Variants in TET2 observed in about 807,000 individuals in gnomAD.
TET2 encodes methylcytosine dioxygenase TET2.
In TET2, 299 loss-of-function variants were observed where a neutral mutation model predicts 142.9. That is an observed-to-expected ratio of 2.09 (90% CI 1.90 to 2.30). The LOEUF is 2.30. Among genes scored for constraint, TET2 ranks in the 30% most tolerant of loss-of-function variants. The probability of loss-of-function intolerance (pLI) is 0.00; values close to 1 mark genes in which losing one functional copy is unlikely to be tolerated. For synonymous variants in TET2, 819 were observed against 849.0 expected, an observed-to-expected ratio of 0.96 and a Z score of 0.61; for missense variants, 2,418 against 2,378.0, an observed-to-expected ratio of 1.02 and a Z score of -0.35.
intron 1 of TET2, among the ~76,000 whole-genome samples, chr4:105,158,270 AT>A (rs1723664404): frequency 6.6e-6 from 1 of 152,134 alleles, no homozygotes; most frequent in Non-Finnish European, 1.5e-5. Flanking sequence ...CATTGTTATA[AT>A]TAGTCATGCC....
chr4:105,219,327 T>C (rs1727678703), intron 2 of TET2, among the ~76,000 whole-genome samples: 1 of 152,132 alleles, frequency 6.6e-6, no homozygotes, highest in South Asian at 2.1e-4. Flanking sequence ...AACCAGTTGA[T>C]TAAGACTAGA....
intron 1 of TET2, among the ~76,000 whole-genome samples, chr4:105,152,910 A>C (rs80079531): frequency 6.6e-6 from 1 of 152,002 alleles, no homozygotes; most frequent in African/African-American, 2.4e-5. Context: ...TCTATTTTCA[A>C]TGTATAAGAG....
At position 105,275,651 on chromosome 4, in the gene TET2, A is replaced by G; in HGVS notation, c.5141A>G (p.Asn1714Ser). The change falls in exon 11 of 11, where the codon AAT (asparagine) becomes AGT (serine). Residue 1714 changes from asparagine (N) to serine (S), a missense_variant. Physicochemically the swap from Asn to Ser is conservative, Grantham distance 46. Coordinates refer to ENST00000380013, the MANE Select transcript of TET2 (RefSeq NM_001127208.3). The stretch of plus-strand genomic sequence containing the variant: ...TTCAGCAGTTGTACCATTAGACCAA[A>G]TGTACATCATGTAGGGAAATTGCCT... Reference protein sequence around the residue: ...DGFSSCTIRPNVHHVGKLPPY... With the variant: ...DGFSSCTIRPSVHHVGKLPPY... 6.4e-7 allele frequency: 1 copy of G among 1,551,928 alleles called. No individual in the cohort carries two copies. Among genetic ancestry groups the G allele is most frequent in the Non-Finnish European group, 8.7e-7 (1 of 1,147,032 alleles).
intron 1 of TET2, among the ~76,000 whole-genome samples, chr4:105,178,752 A>T (rs956099416): frequency 6.6e-6 from 1 of 152,190 alleles, no homozygotes; most frequent in Non-Finnish European, 1.5e-5. Flanking sequence ...TTTAATGCAC[A>T]TGTACCCTAA....
rs773492425 is a variant in TET2, at chr4:105,275,545, T to C, written c.5035T>C (p.Tyr1679His). ...CAGTCTACCACCCATCCATACACTT[T>C]ACCAGCCAAGGTTTGGAAATAGCCA... ...KLSLPPIHTLYQPRFGNSQSF... is the reference protein window; with the variant it reads ...KLSLPPIHTLHQPRFGNSQSF... Residue 1679 changes from tyrosine to histidine, a missense_variant, in exon 11 of 11, where the codon TAC becomes CAC. Physicochemically the swap from Tyr to His is moderately conservative, Grantham distance 83 (BLOSUM62 2). Transcript: ENST00000380013. 2.6e-6 allele frequency: 4 copies of C among 1,551,736 alleles called. No individual in the cohort carries two copies. Among genetic ancestry groups the C allele is most frequent in the African/African-American group, 2.7e-5 (2 of 73,174 alleles).
intron 1 of TET2, among the ~76,000 whole-genome samples, chr4:105,160,648 T>C (rs1258800661): frequency 6.6e-6 from 1 of 152,226 alleles, no homozygotes; most frequent in African/African-American, 2.4e-5. Flanking sequence ...TTTCTAAAGA[T>C]AGGAAAAATC....
At position 105,237,309 on chromosome 4, in the gene TET2, C is replaced by A. The variant is rs1346779821; in HGVS notation, c.3367C>A (p.Pro1123Thr). The A allele has an allele frequency of 2.5e-6, 4 of 1,614,114 alleles. No homozygotes were observed. Among genetic ancestry groups the A allele is most frequent in the Non-Finnish European group, 3.4e-6 (4 of 1,179,980 alleles). Residue 1123 changes from proline (P) to threonine (T), a missense_variant, in exon 3 of 11, where the codon CCT becomes ACT. Physicochemically the swap from Pro to Thr is conservative, Grantham distance 38. Transcript: ENST00000380013. ...DTPIKNLLDT[P>T]VKTQYDFPSC... ...TCCTATAAAAAATTTATTGGATACACCTGTCAAGACTCAATATGATTTCCC... is the reference window on the plus strand; with the variant it reads ...TCCTATAAAAAATTTATTGGATACAACTGTCAAGACTCAATATGATTTCCC...
In TET2 at chr4:105,278,909, C is replaced by T. The variant is rs949837180; in HGVS notation, c.*2390C>T. The stretch of plus-strand genomic sequence containing the variant: ...GGACTTCCCTTAAACAGGCAAACAC[C>T]TACAGGTATGGTGTGCAACAGATTG... On this transcript the variant is annotated 3_prime_UTR_variant, in exon 11 of 11. Coordinates refer to ENST00000380013, the MANE Select transcript of TET2 (RefSeq NM_001127208.3). 1 of 232,818 alleles carries T rather than the reference C, an allele frequency of 4.3e-6. No individual in the cohort carries two copies. Among genetic ancestry groups the T allele is most frequent in the African/African-American group, 2.2e-5 (1 of 45,312 alleles). 14.4% of individuals were successfully genotyped at this position (232,818 alleles called of 1,614,324 possible). A position where few individuals can be genotyped will look rare whatever the true frequency, so the allele number is the denominator to read the frequency against.
At position 105,275,538 on chromosome 4, in the gene TET2, T is replaced by TAC; in HGVS notation, c.5031_5032dup (p.Leu1678HisfsTer18). The TAC allele has an allele frequency of 6.4e-7, 1 of 1,551,696 alleles. No homozygotes were observed. The highest frequency in any genetic ancestry group is 8.7e-7 in the Non-Finnish European group (1 of 1,146,960). On this transcript the variant is annotated frameshift_variant, in exon 11 of 11. Coordinates refer to ENST00000380013, the MANE Select transcript of TET2 (RefSeq NM_001127208.3). LOFTEE classifies it low-confidence loss of function (END_TRUNC). ...CTAAGCTCAGTCTACCACCCATCCA[T>TAC]ACACTTTACCAGCCAAGGTTTGGAA...
At chr4:105,182,230 A>G (rs1404309664) in intron 1 of TET2, among the ~76,000 whole-genome samples, 1 of 152,216 alleles carries the variant, frequency 6.6e-6, no homozygotes, top group Non-Finnish European at 1.5e-5. Flanking sequence ...GCAGGTGCAC[A>G]TGAGTGTGGC....
In TET2 at chr4:105,248,877, A is replaced by G. The variant is rs866347723; in HGVS notation, c.3803+5099A>G. Reference sequence around the variant, plus strand: ...ACATTCAGTTTCTCTGGATTTACCTATTCTGGGCATTTTGTATTAGTGAAA... The same window carrying G: ...ACATTCAGTTTCTCTGGATTTACCTGTTCTGGGCATTTTGTATTAGTGAAA... On this transcript the variant is annotated intron_variant, in intron 6 of 10. Coordinates refer to ENST00000380013, the MANE Select transcript of TET2 (RefSeq NM_001127208.3). 2.0e-5 allele frequency among the ~76,000 whole-genome samples: 3 copies of G among 150,836 alleles called. No individual in the cohort carries two copies. In the South Asian group the frequency reaches 6.3e-4, roughly 31 times the overall value.
chr4:105,234,060 C>A lies in TET2; in HGVS notation c.118C>A (p.Leu40Met). ...TACAAAGCTCCAGAATGGAAGCCCA[C>A]TGCCTGAGAGAGCTCATCCAGAAGT... Reference protein sequence around the residue: ...LATKLQNGSPLPERAHPEVNG... With the variant: ...LATKLQNGSPMPERAHPEVNG... The change falls in exon 3 of 11, where the codon CTG becomes ATG. Residue 40 changes from leucine to methionine, a missense_variant. Coordinates refer to ENST00000380013, the MANE Select transcript of TET2 (RefSeq NM_001127208.3). 6.2e-7 allele frequency: 1 copy of A among 1,614,084 alleles called. No homozygotes were observed. Among genetic ancestry groups the A allele is most frequent in the Non-Finnish European group, 8.5e-7 (1 of 1,180,008 alleles).
chr4:105,156,634 T>G, intron 1 of TET2, among the ~76,000 whole-genome samples: 1 of 152,102 alleles, frequency 6.6e-6, no homozygotes, highest in East Asian at 1.9e-4. Context: ...TCTCCTGAAA[T>G]AGATGATGCA....
At chr4:105,210,095 A>T (rs141592047) in intron 2 of TET2, among the ~76,000 whole-genome samples, 1 of 152,266 alleles carries the variant, frequency 6.6e-6, no homozygotes, top group African/African-American at 2.4e-5. Context: ...AATGTAGATG[A>T]CAGGTTTGGA....
chr4:105,220,873 G>T (rs1233732961), intron 2 of TET2, among the ~76,000 whole-genome samples: 1 of 152,042 alleles, frequency 6.6e-6, no homozygotes, highest in East Asian at 1.9e-4. Flanking sequence ...CTTTCTGCTG[G>T]GGCATCCTTG....
At chr4:105,226,582 TC>T (rs1728205558) in intron 2 of TET2, among the ~76,000 whole-genome samples, 1 of 151,266 alleles carries the variant, frequency 6.6e-6, no homozygotes, top group Non-Finnish European at 1.5e-5. Flanking sequence ...GTGTGGCACG[TC>T]CCCCTCCCTG....
chr4:105,191,510 C>CT (rs199682090), intron 2 of TET2, among the ~76,000 whole-genome samples: 21 of 151,464 alleles, frequency 1.4e-4, no homozygotes, highest in East Asian at 5.8e-4. Context: ...AAGAATTAGG[C>CT]TTTTTTTTTG....
At chr4:105,184,330 T>G (rs1371685384) in intron 1 of TET2, among the ~76,000 whole-genome samples, 1 of 152,234 alleles carries the variant, frequency 6.6e-6, no homozygotes, top group Non-Finnish European at 1.5e-5. Flanking sequence ...TGTTCCAGTG[T>G]TTGGTTCTTA....
At chr4:105,243,484 A>C in intron 5 of TET2, 86 bp from the exon 6 acceptor site, 1 of 1,167,398 alleles carries the variant, frequency 8.6e-7, no homozygotes, top group Non-Finnish European at 1.2e-6. Context: ...ATATACATAC[A>C]TAAGTGCCCT....
Sources: allele counts gnomAD v4.1 joint callset (sites outside exome capture counted in the v4.1 genomes callset), GRCh38; gene constraint gnomAD v4.1.1; transcripts MANE v1.5; gene names NCBI Gene and HGNC (gene_info 2026-07-23, HGNC 2026-07-21).